LRMDA: variants seen among roughly 807,000 people sequenced by gnomAD.
The protein encoded by LRMDA is leucine rich melanocyte differentiation associated.
LRMDA carries 18 observed loss-of-function variants against 29.8 expected under a neutral mutation model. That is an observed-to-expected ratio of 0.60 (90% confidence interval 0.42 to 0.90). LRMDA has a LOEUF of 0.90. Ranked by LOEUF, LRMDA falls within the 40% of genes least tolerant of loss-of-function variation. The pLI, the probability that LRMDA is intolerant of heterozygous loss-of-function variation, is 0.00. For missense variants in LRMDA, 273 were observed against 273.9 expected, an observed-to-expected ratio of 1.00 and a Z score of 0.02; for synonymous variants, 125 against 109.4, an observed-to-expected ratio of 1.14 and a Z score of -0.89.
intron 2 of LRMDA, among the ~76,000 whole-genome samples, chr10:75,583,940 C>G (rs925161119): frequency 1.3e-4 from 20 of 152,186 alleles, no homozygotes; most frequent in African/African-American, 4.8e-4. Context: ...GTCTCCCACA[C>G]AGTTCCTTGA....
chr10:75,923,021 C>A (rs1202832022), intron 2 of LRMDA, among the ~76,000 whole-genome samples: 1 of 152,102 alleles, frequency 6.6e-6, no homozygotes, highest in Non-Finnish European at 1.5e-5. Flanking sequence ...CAAATGGGGG[C>A]CCAGAGAGGT....
At chr10:76,062,327 G>A (rs1256658623) in intron 5 of LRMDA, among the ~76,000 whole-genome samples, 1 of 152,126 alleles carries the variant, frequency 6.6e-6, no homozygotes, top group Non-Finnish European at 1.5e-5. Context: ...AATGGAAAAT[G>A]TCCCTCCAAT....
chr10:75,808,701 G>T (rs966783406), intron 2 of LRMDA, among the ~76,000 whole-genome samples: 1 of 140,100 alleles, frequency 7.1e-6, no homozygotes, highest in Non-Finnish European at 1.5e-5. Context: ...GTAGAGACAG[G>T]GTTTCACCAT....
chr10:76,217,477 G>A (rs1488162974), intron 5 of LRMDA, among the ~76,000 whole-genome samples: 1 of 152,174 alleles, frequency 6.6e-6, no homozygotes, highest in Non-Finnish European at 1.5e-5. Flanking sequence ...ATGGTTATGA[G>A]AGTGATGAGT....
chr10:75,706,806 C>T (rs777902105), intron 2 of LRMDA, among the ~76,000 whole-genome samples: 51 of 144,176 alleles, frequency 3.5e-4, no homozygotes, highest in Admixed American at 4.2e-4. Flanking sequence ...CCAGCTTTTA[C>T]GGAGTCAGAA....
chr10:76,511,502 C>G (rs1036711831), intron 6 of LRMDA, among the ~76,000 whole-genome samples: 1 of 151,942 alleles, frequency 6.6e-6, no homozygotes, highest in African/African-American at 2.4e-5. Context: ...CCACTAAAAA[C>G]CTATTAGAAC....
chr10:76,461,475 C>T (rs930719454), intron 6 of LRMDA, among the ~76,000 whole-genome samples: 6 of 152,186 alleles, frequency 3.9e-5, no homozygotes, highest in Non-Finnish European at 8.8e-5. Flanking sequence ...GAATGATTCC[C>T]ATGAAATAAA....
intron 5 of LRMDA, among the ~76,000 whole-genome samples, chr10:76,177,359 A>G (rs1391210171): frequency 6.6e-6 from 1 of 151,638 alleles, no homozygotes; most frequent in African/African-American, 2.4e-5. Flanking sequence ...GACAATTTTC[A>G]ACTAATTTGT....
chr10:76,514,777 T>G (rs1159479862), intron 6 of LRMDA, among the ~76,000 whole-genome samples: 1 of 152,120 alleles, frequency 6.6e-6, no homozygotes, highest in Non-Finnish European at 1.5e-5. Context: ...CATACTTTAT[T>G]ACGCCATTTA....
At chr10:75,435,096 G>C (rs1183352892) in intron 1 of LRMDA, among the ~76,000 whole-genome samples, 1 of 152,094 alleles carries the variant, frequency 6.6e-6, no homozygotes, top group East Asian at 1.9e-4. Context: ...GAGGTCTTAG[G>C]GTACAAATTA....
chr10:75,966,521 A>G (rs1846862741), intron 2 of LRMDA, among the ~76,000 whole-genome samples: 1 of 152,202 alleles, frequency 6.6e-6, no homozygotes, highest in Admixed American at 6.5e-5. Flanking sequence ...TGTTCATTCC[A>G]TGAAGGCAGG....
At chr10:76,126,427 T>C (rs935718505) in intron 5 of LRMDA, among the ~76,000 whole-genome samples, 1 of 152,344 alleles carries the variant, frequency 6.6e-6, no homozygotes, top group Middle Eastern at 3.4e-3. Context: ...CCCTGTGGTA[T>C]AACCTGTGGC....
chr10:76,096,002 A>G (rs1164681105), intron 5 of LRMDA, among the ~76,000 whole-genome samples: 1 of 150,548 alleles, frequency 6.6e-6, no homozygotes. Flanking sequence ...AGATTTCTTT[A>G]TATCATTTAG....
intron 2 of LRMDA, among the ~76,000 whole-genome samples, chr10:75,617,925 C>A (rs1432712816): frequency 2.0e-5 from 3 of 152,164 alleles, no homozygotes; most frequent in Admixed American, 6.5e-5. Flanking sequence ...ATCAACCTCG[C>A]TAGGCCTTTG....
intron 2 of LRMDA, among the ~76,000 whole-genome samples, chr10:75,976,166 T>C (rs1048614640): frequency 4.6e-5 from 7 of 152,250 alleles, no homozygotes; most frequent in African/African-American, 1.4e-4. Flanking sequence ...CGTCTCCCAC[T>C]TCATCCCTGC....
intron 2 of LRMDA, among the ~76,000 whole-genome samples, chr10:75,575,422 A>G (rs116199650): frequency 5.4e-4 from 82 of 152,336 alleles, no homozygotes; most frequent in African/African-American, 1.9e-3. Flanking sequence ...ATGAGCCTGT[A>G]AAATAAAAAC....
Position 76,491,844 on chromosome 10 carries a change from T to C in LRMDA, c.602-65365T>C, listed in dbSNP as rs548902395. On this transcript the variant is annotated intron_variant, in intron 6 of 6. Transcript: ENST00000611255. Reference sequence around the variant, plus strand: ...TCTTTTGAGGCTATTTTCTAGATTTTATAGGTGTGCTTCATTATTTTTTAT... The same window carrying C: ...TCTTTTGAGGCTATTTTCTAGATTTCATAGGTGTGCTTCATTATTTTTTAT... 7.9e-5 allele frequency among the ~76,000 whole-genome samples: 12 copies of C among 152,186 alleles called. No homozygotes were observed. The South Asian group carries it at 1.2e-3, about 16-fold the overall frequency.
chr10:75,664,540 G>A (rs1011518755), intron 2 of LRMDA, among the ~76,000 whole-genome samples: 17 of 152,184 alleles, frequency 1.1e-4, no homozygotes, highest in African/African-American at 4.1e-4. Context: ...GGAGTCAGGA[G>A]GGAAGGGGTT....
chr10:75,676,134 C>T (rs1841957210), intron 2 of LRMDA, among the ~76,000 whole-genome samples: 1 of 143,470 alleles, frequency 7.0e-6, no homozygotes, highest in Non-Finnish European at 1.5e-5. Context: ...CAGGTTACTG[C>T]CTTTGATTCC....
Sources: allele counts gnomAD v4.1 joint callset (sites outside exome capture counted in the v4.1 genomes callset), GRCh38; gene constraint gnomAD v4.1.1; transcripts MANE v1.5; gene names NCBI Gene and HGNC (gene_info 2026-07-23, HGNC 2026-07-21).